Variants in AACS observed in about 807,000 individuals in gnomAD.
The protein encoded by AACS is acetoacetyl-CoA synthetase.
In AACS, 69 loss-of-function variants were observed where a neutral mutation model predicts 83.1. That is an observed-to-expected ratio of 0.83 (90% CI 0.68 to 1.01). The LOEUF (loss-of-function observed/expected upper bound fraction) is 1.01. AACS is among the 50% of genes least tolerant of loss of function. AACS has a pLI of 0.00. For missense variants in AACS, 866 were observed against 882.2 expected (o/e 0.98, Z 0.23); for synonymous variants, 333 against 343.4 (o/e 0.97, Z 0.33).
At chr12:125,135,783 C>G (rs546708043) in intron 16 of AACS, 2 of 152,326 alleles carry the variant, frequency 1.3e-5, no homozygotes, top group African/African-American at 4.8e-5. Flanking sequence ...GTCTTACTCT[C>G]TTCACAGGCT....
chr12:125,078,045 T>G, intron 3 of AACS: 1 of 424,962 alleles, frequency 2.4e-6, no homozygotes, highest in Non-Finnish European at 4.7e-6. Flanking sequence ...CAGAGAAAGA[T>G]TAATTCACTG....
At chr12:125,114,407 G>T in intron 8 of AACS, 70 bp from the exon 9 acceptor site, 2 of 1,321,052 alleles carry the variant, frequency 1.5e-6, no homozygotes, top group South Asian at 1.2e-5. Flanking sequence ...GCAGCGCGTG[G>T]GCCAGGTACC....
intron 12 of AACS, chr12:125,126,961 A>T (rs1957253777): frequency 6.6e-6 from 1 of 151,836 alleles, no homozygotes; most frequent in African/African-American, 2.4e-5. Flanking sequence ...CTCTCAAAGC[A>T]CCTCTTTAAG....
intron 9 of AACS, among the ~76,000 whole-genome samples, chr12:125,116,259 G>A (rs571714203): frequency 9.9e-5 from 15 of 152,166 alleles, no homozygotes; most frequent in Non-Finnish European, 1.6e-4. Context: ...TGCAGGATTC[G>A]GCTGCCTCCC....
rs984936021 is a variant in AACS, at chr12:125,093,445, C to T, written c.570+1922C>T. Among the ~76,000 whole-genome samples, 78 of 152,348 alleles carry T rather than the reference C, an allele frequency of 5.1e-4. 2 individuals are homozygous for T. Among genetic ancestry groups the T allele is most frequent in the South Asian group, 2.5e-3 (12 of 4,832 alleles). On this transcript the variant is annotated intron_variant, in intron 5 of 17. Coordinates refer to ENST00000316519, the MANE Select transcript of AACS (RefSeq NM_023928.5). ...TCATTGTCCTGTGCACGTCACTCCC[C>T]GCTGACTCCAGTCCGGCAGGATCTG...
At chr12:125,093,996 A>G (rs1467381866) in intron 5 of AACS, among the ~76,000 whole-genome samples, 1 of 152,042 alleles carries the variant, frequency 6.6e-6, no homozygotes, top group Non-Finnish European at 1.5e-5. Context: ...ACACCTGGAC[A>G]CCCGCTGTCG....
rs1956637295 is a variant in AACS, at chr12:125,097,655, T to G, written c.571-5024T>G. Among the ~76,000 whole-genome samples the G allele has an allele frequency of 6.6e-6, 1 of 152,196 alleles. No individual in the cohort carries two copies. Among genetic ancestry groups the G allele is most frequent in the South Asian group, 2.1e-4 (1 of 4,834 alleles). On this transcript the variant is annotated intron_variant, in intron 5 of 17. Transcript: ENST00000316519. This position sits in a 1 kb window ranked among gnomAD's most constrained non-coding sequence, Gnocchi z 4.3. The stretch of plus-strand genomic sequence containing the variant: ...GAAGACCCCTCCTTCCTGTCATGAC[T>G]GTGCATCCTGAGAGCACTTCAGCCT...
intron 5 of AACS, 26 bp downstream of exon 5, chr12:125,091,549 G>A (rs777619419): frequency 9.3e-6 from 15 of 1,610,958 alleles, no homozygotes; most frequent in Non-Finnish European, 9.3e-6. Context: ...TGACAGAGGG[G>A]GCACCCCTTG....
At chr12:125,132,578 AT>A (rs138216654) in intron 14 of AACS, among the ~76,000 whole-genome samples, 4,005 of 148,526 alleles carry the variant, frequency 0.027, 100 homozygotes, top group Admixed American at 0.048. Flanking sequence ...CTAGGAGTGG[AT>A]TTTTTTTTTT....
chr12:125,090,965 G>A (rs1434727391), intron 4 of AACS: 4 of 187,222 alleles, frequency 2.1e-5, no homozygotes, highest in Non-Finnish European at 4.6e-5. Flanking sequence ...TGAGTTCACC[G>A]GGTTGGGGGC....
At position 125,107,277 on chromosome 12, in the gene AACS, C is replaced by T. The variant is rs1358831964; in HGVS notation, c.915+9C>T. On this transcript the variant is annotated intron_variant, in intron 8 of 17. Transcript: ENST00000316519. ...TGGTGCATTCCGCTGGGGTAGGTCTCTGGGGAAGGCTCTGCAGGGCCTCCT... is the reference window on the plus strand; with the variant it reads ...TGGTGCATTCCGCTGGGGTAGGTCTTTGGGGAAGGCTCTGCAGGGCCTCCT... 1 of 1,612,418 alleles carries T rather than the reference C, an allele frequency of 6.2e-7. No individual in the cohort carries two copies. The highest frequency in any genetic ancestry group is 2.2e-5 in the East Asian group (1 of 44,878).
Position 125,128,241 on chromosome 12 carries a change from C to G in AACS, c.1390C>G (p.Leu464Val), listed in dbSNP as rs1957276181. The part of the protein sequence containing the change: ...VYKGEIQARN[L>V]GMAVEAWNEE... ...TAAAGGGGAGATTCAGGCCCGGAAC[C>G]TGGGCATGGCCGTGGAAGCGTGGAA... is the stretch of plus-strand genomic sequence containing the variant. The change falls in exon 13 of 18, where the codon CTG becomes GTG. Residue 464 changes from leucine to valine, a missense_variant. Coordinates refer to ENST00000316519, the MANE Select transcript of AACS (RefSeq NM_023928.5). 11 of 1,612,916 alleles carry G rather than the reference C, an allele frequency of 6.8e-6. No individual in the cohort carries two copies. Among genetic ancestry groups the G allele is most frequent in the Non-Finnish European group, 9.3e-6 (11 of 1,179,202 alleles).
chr12:125,141,696 CAA>C (rs60837088), intron 17 of AACS: 131 of 60,384 alleles, frequency 2.2e-3, no homozygotes, highest in Middle Eastern at 0.011. Context: ...GACTCTGTCT[CAA>C]AAAAAAAAAA....
At chr12:125,074,713 G>A (rs1955973592) in intron 2 of AACS, among the ~76,000 whole-genome samples, 1 of 143,654 alleles carries the variant, frequency 7.0e-6, no homozygotes, top group Admixed American at 7.0e-5. Context: ...GCCCAGGCTG[G>A]AGTGCAGTGG....
At chr12:125,079,073 A>AC (rs1213145760) in intron 3 of AACS, among the ~76,000 whole-genome samples, 1 of 151,750 alleles carries the variant, frequency 6.6e-6, no homozygotes, top group African/African-American at 2.4e-5. Flanking sequence ...CCTCTGGCTG[A>AC]CCCCTGTACC....
intron 5 of AACS, among the ~76,000 whole-genome samples, chr12:125,096,472 G>A (rs1225417601): frequency 6.6e-6 from 1 of 152,232 alleles, no homozygotes; most frequent in Non-Finnish European, 1.5e-5. Context: ...CACAGCCAAG[G>A]TCTGGACAGG....
intron 12 of AACS, 24 bp from the exon 13 acceptor site, chr12:125,128,137 G>A (rs772171585): frequency 5.1e-6 from 8 of 1,566,234 alleles, no homozygotes; most frequent in Non-Finnish European, 6.1e-6. Flanking sequence ...TAAATTTTGA[G>A]TCTCCCTTTG....
rs753416051 is a variant in AACS at position 125,091,426 on chromosome 12, G to A, written c.473G>A (p.Gly158Asp). 20 of 1,614,068 alleles carry A rather than the reference G, an allele frequency of 1.2e-5. No homozygotes were observed. The South Asian group carries it at 1.9e-4, about 15-fold the overall frequency. Residue 158 changes from glycine to aspartate, a missense_variant and splice_region_variant, in exon 5 of 18, where the codon GGT becomes GAT. Gly to Asp is a moderately conservative substitution (Grantham distance 94). Transcript: ENST00000316519. ...GCTTCTTCCTATGTTTTCTCCACAG[G>A]TTATTTACCCAACAGTGAGCACGCT... The part of the protein sequence containing the change: ...MGVKKGDRVV[G>D]YLPNSEHAVE...
chr12:125,071,253 C>T (rs745689262), intron 1 of AACS, among the ~76,000 whole-genome samples: 1 of 152,278 alleles, frequency 6.6e-6, no homozygotes, highest in East Asian at 1.9e-4. Flanking sequence ...CTGCAGTGAC[C>T]GTTACAACCT....
Sources: allele counts gnomAD v4.1 joint callset (sites outside exome capture counted in the v4.1 genomes callset), GRCh38; gene constraint gnomAD v4.1.1; non-coding constraint Gnocchi (gnomAD v3.1); transcripts MANE v1.5; gene names NCBI Gene and HGNC (gene_info 2026-07-23, HGNC 2026-07-21).